INPP4B: variants seen among roughly 807,000 people sequenced by gnomAD.
INPP4B encodes inositol polyphosphate-4-phosphatase type II B, also known as inositol polyphosphate 4-phosphatase type II.
A neutral mutation model predicts 122.5 loss-of-function variants in INPP4B; 55 were observed. That is an observed-to-expected ratio of 0.45 (90% confidence interval 0.36 to 0.56). The LOEUF is 0.56. INPP4B is among the 20% of genes least tolerant of loss of function. INPP4B has a pLI of 0.00. For missense variants in INPP4B, 1,000 were observed against 1,097.7 expected (o/e 0.91, Z 1.26); for synonymous variants, 403 against 388.7 (o/e 1.04, Z -0.43).
At chr4:142,452,740 A>G (rs2149520419) in intron 3 of INPP4B, among the ~76,000 whole-genome samples, 1 of 152,320 alleles carries the variant, frequency 6.6e-6, no homozygotes, top group South Asian at 2.1e-4. Flanking sequence ...TGTCATCTAA[A>G]GGATAGAAAC....
intron 2 of INPP4B, among the ~76,000 whole-genome samples, chr4:142,552,957 A>T (rs1728329309): frequency 6.6e-6 from 1 of 152,132 alleles, no homozygotes; most frequent in Non-Finnish European, 1.5e-5. Flanking sequence ...TGTTTTGGAG[A>T]TCAATAAATT....
intron 1 of INPP4B, among the ~76,000 whole-genome samples, chr4:142,832,065 G>C (rs1581017387): frequency 1.3e-5 from 2 of 152,148 alleles, no homozygotes; most frequent in South Asian, 4.1e-4. Flanking sequence ...ATGTACAGTG[G>C]TTTTTCTACA....
intron 14 of INPP4B, 142 bp from the exon 15 acceptor site, chr4:142,193,337 C>G: frequency 1.7e-6 from 1 of 572,002 alleles, no homozygotes; most frequent in Admixed American, 3.0e-5. Flanking sequence ...ACTCACATCT[C>G]AAGGGGGAAA....
intron 7 of INPP4B, among the ~76,000 whole-genome samples, chr4:142,384,296 CATA>C (rs770803577): frequency 6.6e-6 from 1 of 152,160 alleles, no homozygotes; most frequent in Non-Finnish European, 1.5e-5. Flanking sequence ...TCATGCATTG[CATA>C]ATGATGGGGA....
chr4:142,787,691 G>T (rs1275225751), intron 1 of INPP4B, among the ~76,000 whole-genome samples: 30 of 151,856 alleles, frequency 2.0e-4, no homozygotes, highest in Admixed American at 2.0e-3. Context: ...TTCTGCTTTG[G>T]GTAAAGTAGT....
At chr4:142,088,727 T>G (rs541672324) in intron 23 of INPP4B, among the ~76,000 whole-genome samples, 170 of 152,342 alleles carry the variant, frequency 1.1e-3, no homozygotes, top group Non-Finnish European at 2.2e-3. Flanking sequence ...ACAGAGAATG[T>G]GCATGAGAAA....
intron 2 of INPP4B, among the ~76,000 whole-genome samples, chr4:142,499,192 T>C (rs920318296): frequency 2.6e-5 from 4 of 152,146 alleles, no homozygotes; most frequent in Non-Finnish European, 5.9e-5. Context: ...TAAAAACATT[T>C]TTTCTATCTA....
chr4:142,439,978 A>G (rs953437747), intron 3 of INPP4B, among the ~76,000 whole-genome samples: 2 of 152,308 alleles, frequency 1.3e-5, no homozygotes, highest in Admixed American at 6.5e-5. Flanking sequence ...ATAATTTATT[A>G]CTGTTTATTT....
At chr4:142,305,748 A>G (rs1368412677) in intron 8 of INPP4B, 2 of 1,386,730 alleles carry the variant, frequency 1.4e-6, no homozygotes, top group Non-Finnish European at 1.9e-6. Flanking sequence ...TCCCTAAAAG[A>G]AAAGAGACCA....
At chr4:142,095,334 T>C (rs1450747010) in intron 23 of INPP4B, among the ~76,000 whole-genome samples, 1 of 152,160 alleles carries the variant, frequency 6.6e-6, no homozygotes, top group Non-Finnish European at 1.5e-5. Context: ...GCCAAATAGC[T>C]GAGTGAATTA....
At chr4:142,171,591 A>G (rs2152943213) in intron 16 of INPP4B, among the ~76,000 whole-genome samples, 1 of 152,006 alleles carries the variant, frequency 6.6e-6, no homozygotes, top group East Asian at 1.9e-4. Context: ...AAACCATGAG[A>G]TACTAACAGT....
chr4:142,125,591 C>A (rs868149747), intron 18 of INPP4B, among the ~76,000 whole-genome samples: 6 of 152,212 alleles, frequency 3.9e-5, no homozygotes, highest in South Asian at 2.1e-4. Flanking sequence ...TTCTACTTAT[C>A]TTCCTGACAA....
chr4:142,057,151 A>T (rs1346984074), intron 25 of INPP4B, among the ~76,000 whole-genome samples: 1 of 152,204 alleles, frequency 6.6e-6, no homozygotes, highest in Non-Finnish European at 1.5e-5. Context: ...GAAGATGGGA[A>T]CATATAAATA....
In INPP4B at chr4:142,049,526, C is replaced by T. The variant is rs563928822; in HGVS notation, c.2643-20612G>A. Among the ~76,000 whole-genome samples, 5 of 152,056 alleles carry T rather than the reference C, an allele frequency of 3.3e-5. No individual in the cohort carries two copies. In the East Asian group the frequency reaches 7.7e-4, roughly 24 times the overall value. ...CTAATACAAATAAGGTTGTTTTTTA[C>T]ATCAATGGCTTTGACAAGCAAGTAG... On this transcript the variant is annotated intron_variant, in intron 25 of 25. Coordinates refer to ENST00000262992, the MANE Select transcript of INPP4B (RefSeq NM_001101669.3).
At chr4:142,236,276 T>C (rs554662572) in intron 12 of INPP4B, among the ~76,000 whole-genome samples, 4 of 152,356 alleles carry the variant, frequency 2.6e-5, no homozygotes, top group Admixed American at 2.0e-4. Flanking sequence ...ATGACTCTTA[T>C]ATGACTTCCA....
intron 2 of INPP4B, among the ~76,000 whole-genome samples, chr4:142,711,811 G>C (rs1763154345): frequency 6.6e-6 from 1 of 152,128 alleles, no homozygotes; most frequent in South Asian, 2.1e-4. Context: ...ACTTTGGGAG[G>C]CTGAGGCAGG....
chr4:142,619,383 A>G (rs1744398424), intron 2 of INPP4B, among the ~76,000 whole-genome samples: 1 of 152,090 alleles, frequency 6.6e-6, no homozygotes, highest in Non-Finnish European at 1.5e-5. Flanking sequence ...TGGTATATAC[A>G]TACAATGGAA....
rs926003459 is a variant in INPP4B, at chr4:142,444,296, C to T, written c.-126-12911G>A. Among the ~76,000 whole-genome samples, 5 of 152,226 alleles carry T rather than the reference C, an allele frequency of 3.3e-5. No individual in the cohort carries two copies. The East Asian group carries it at 9.7e-4, about 29-fold the overall frequency. On this transcript the variant is annotated intron_variant, in intron 3 of 25. Coordinates refer to ENST00000262992, the MANE Select transcript of INPP4B (RefSeq NM_001101669.3). ...CAAATGGATAGATTGCAAAAATTTT[C>T]TCCCATTCTGTAGGTTGCCAACAAA...
chr4:142,765,383 CT>C (rs1255188424), intron 1 of INPP4B, among the ~76,000 whole-genome samples: 1 of 152,078 alleles, frequency 6.6e-6, no homozygotes, highest in Non-Finnish European at 1.5e-5. Flanking sequence ...TATCATGAGT[CT>C]TAAAGCACAG....
Sources: allele counts gnomAD v4.1 joint callset (sites outside exome capture counted in the v4.1 genomes callset), GRCh38; gene constraint gnomAD v4.1.1; transcripts MANE v1.5; gene names NCBI Gene and HGNC (gene_info 2026-07-23, HGNC 2026-07-21).